CSGALNACT1: variants seen among roughly 807,000 people sequenced by gnomAD.
The protein encoded by CSGALNACT1 is chondroitin sulfate N-acetylgalactosaminyltransferase 1, also known as beta4GalNAcT-1.
Under a neutral mutation model 51.0 loss-of-function variants are expected in CSGALNACT1, and 52 were observed. The ratio of observed to expected loss-of-function variants is 1.02; its 90% CI spans 0.82 to 1.29. CSGALNACT1 has a LOEUF of 1.29. Ranked by LOEUF, CSGALNACT1 falls within the 50% of genes most tolerant of loss-of-function variation. The probability of loss-of-function intolerance (pLI) is 0.00; values close to 1 mark genes in which losing one functional copy is unlikely to be tolerated. For synonymous variants in CSGALNACT1, 341 were observed against 254.4 expected, an observed-to-expected ratio of 1.34 and a Z score of -3.24; for missense variants, 935 against 679.2, an observed-to-expected ratio of 1.38 and a Z score of -4.19.
chr8:19,667,042 A>AAAC (rs2059412420), intron 1 of CSGALNACT1, among the ~76,000 whole-genome samples: 1 of 60,380 alleles, frequency 1.7e-5, no homozygotes, highest in African/African-American at 6.5e-5. Flanking sequence ...GAAGGAAGGA[A>AAAC]GAAAGAAAGA....
chr8:19,673,349 C>T (rs189427180), intron 1 of CSGALNACT1, among the ~76,000 whole-genome samples: 7 of 152,210 alleles, frequency 4.6e-5, no homozygotes, highest in East Asian at 1.9e-4. Context: ...CTAGGAACAA[C>T]GATTGTTTCA....
At chr8:19,604,295 A>G (rs778231543), upstream of CSGALNACT1, among the ~76,000 whole-genome samples, 89 of 152,330 alleles carry the variant, frequency 5.8e-4, no homozygotes, top group Admixed American at 7.2e-4. Flanking sequence ...TCAACTGGAC[A>G]GACGCTCTAT....
chr8:19,645,952 G>T (rs778809307), intron 1 of CSGALNACT1, among the ~76,000 whole-genome samples: 1 of 152,122 alleles, frequency 6.6e-6, no homozygotes, highest in African/African-American at 2.4e-5. Flanking sequence ...TCCCACCAGA[G>T]AGCTAACAAT....
upstream of CSGALNACT1, among the ~76,000 whole-genome samples, chr8:19,685,884 C>T (rs184392599): frequency 2.7e-4 from 41 of 152,216 alleles, no homozygotes; most frequent in African/African-American, 9.2e-4. Flanking sequence ...AGTTAATAGC[C>T]GTACAACCTC....
At chr8:19,722,899 A>C (rs1173057943) in intron 1 of CSGALNACT1, among the ~76,000 whole-genome samples, 1 of 152,216 alleles carries the variant, frequency 6.6e-6, no homozygotes, top group Non-Finnish European at 1.5e-5. Flanking sequence ...ACCAAAACAG[A>C]AGCAAGTACA....
At position 19,576,399 on chromosome 8, in the gene CSGALNACT1, G is replaced by A. The variant is rs145060392; in HGVS notation, c.-297+14761C>T. Among the ~76,000 whole-genome samples the A allele has an allele frequency of 4.3e-3, 654 of 152,158 alleles. 3 individuals are homozygous for A. Among genetic ancestry groups the A allele is most frequent in the Middle Eastern group, 0.031 (9 of 294 alleles). ...GTAGAGACGGGGTTTCATTATGTTGGCCAGGCTGGTCTCAAAGTCCTGACC... is the reference window on the plus strand; with the variant it reads ...GTAGAGACGGGGTTTCATTATGTTGACCAGGCTGGTCTCAAAGTCCTGACC... On this transcript the variant is annotated intron_variant, in intron 3 of 9. Coordinates refer to ENST00000454498, the Ensembl canonical transcript of CSGALNACT1.
intron 1 of CSGALNACT1, among the ~76,000 whole-genome samples, chr8:19,661,747 A>G (rs980901711): frequency 5.3e-5 from 8 of 152,336 alleles, no homozygotes; most frequent in Non-Finnish European, 8.8e-5. Flanking sequence ...CCAGAAGGTC[A>G]GGTAAGGTCT....
At chr8:19,682,795 C>A (rs1552776), upstream of CSGALNACT1, 23 of 452,972 alleles carry the variant, frequency 5.1e-5, no homozygotes, top group Non-Finnish European at 9.7e-5. Flanking sequence ...TTTTAAGCAG[C>A]CTTTCCGGCC....
At chr8:19,712,268 G>A (rs955533870) in intron 1 of CSGALNACT1, among the ~76,000 whole-genome samples, 15 of 151,838 alleles carry the variant, frequency 9.9e-5, no homozygotes, top group South Asian at 2.1e-4. Context: ...CTCGTGATCC[G>A]CCCACCTCAG....
chr8:19,466,851 G>A (rs1025128827), intron 4 of CSGALNACT1, among the ~76,000 whole-genome samples: 1 of 152,280 alleles, frequency 6.6e-6, no homozygotes, highest in South Asian at 2.1e-4. Flanking sequence ...CTCTGGACTT[G>A]TCCTCACTGG....
At chr8:19,679,128 G>A (rs1231616757) in intron 1 of CSGALNACT1, among the ~76,000 whole-genome samples, 2 of 152,144 alleles carry the variant, frequency 1.3e-5, no homozygotes, top group Non-Finnish European at 2.9e-5. Flanking sequence ...TCTTCTTAAA[G>A]GTAAGGAAAT....
intron 4 of CSGALNACT1, among the ~76,000 whole-genome samples, chr8:19,478,509 A>G (rs978733079): frequency 1.3e-5 from 2 of 151,906 alleles, no homozygotes; most frequent in African/African-American, 4.8e-5. Flanking sequence ...TCGACTCCCC[A>G]AGAGACTAAC....
At chr8:19,489,458 T>G (rs2073872112) in intron 4 of CSGALNACT1, among the ~76,000 whole-genome samples, 1 of 152,196 alleles carries the variant, frequency 6.6e-6, no homozygotes, top group African/African-American at 2.4e-5. Context: ...AGCATTTTCC[T>G]TCTTCCTTCT....
At chr8:19,442,427 G>A (rs2061463932) in intron 5 of CSGALNACT1, among the ~76,000 whole-genome samples, 1 of 152,066 alleles carries the variant, frequency 6.6e-6, no homozygotes, top group Admixed American at 6.6e-5. Flanking sequence ...GTAGGGACAT[G>A]GATGAAACTG....
At chr8:19,721,244 G>A (rs563429810) in intron 1 of CSGALNACT1, among the ~76,000 whole-genome samples, 6 of 152,156 alleles carry the variant, frequency 3.9e-5, no homozygotes, top group African/African-American at 7.2e-5. Flanking sequence ...ACAACATCCC[G>A]GAGACTGTGA....
chr8:19,507,611 AC>A (rs2077612350), intron 3 of CSGALNACT1, among the ~76,000 whole-genome samples: 1 of 151,436 alleles, frequency 6.6e-6, no homozygotes, highest in Non-Finnish European at 1.5e-5. Context: ...TTTTAATGAA[AC>A]CTTCCTAAAT....
At chr8:19,410,343 C>T (rs907234694) in intron 8 of CSGALNACT1, among the ~76,000 whole-genome samples, 6 of 152,198 alleles carry the variant, frequency 3.9e-5, no homozygotes, top group Admixed American at 6.5e-5. Context: ...AAAGTCTCCA[C>T]GGAGTCATTT....
At chr8:19,598,664 C>T (rs2049508820) in intron 2 of CSGALNACT1, among the ~76,000 whole-genome samples, 1 of 151,842 alleles carries the variant, frequency 6.6e-6, no homozygotes, top group African/African-American at 2.4e-5. Context: ...TATGTGTCTA[C>T]AAACAGTTTT....
chr8:19,659,004 T>TC (rs1362575319), intron 1 of CSGALNACT1, among the ~76,000 whole-genome samples: 5 of 152,172 alleles, frequency 3.3e-5, no homozygotes, highest in Non-Finnish European at 7.4e-5. Context: ...ATGTTTTTTT[T>TC]CCCAGTCATC....
Sources: allele counts gnomAD v4.1 joint callset (sites outside exome capture counted in the v4.1 genomes callset), GRCh38; gene constraint gnomAD v4.1.1; transcripts MANE v1.5; gene names NCBI Gene and HGNC (gene_info 2026-07-23, HGNC 2026-07-21).